The following TTC29 variants were observed in gnomAD, a reference collection of about 807,000 sequenced individuals.
The protein encoded by TTC29 is tetratricopeptide repeat domain 29.
Under a neutral mutation model 58.1 loss-of-function variants are expected in TTC29, and 49 were observed. The observed-to-expected ratio is 0.84, with a 90% confidence interval of 0.67 to 1.07. TTC29 has a LOEUF of 1.07. TTC29 is among the 50% of genes least tolerant of loss of function. The probability of loss-of-function intolerance (pLI) is 0.00; values close to 1 mark genes in which losing one functional copy is unlikely to be tolerated. For missense variants in TTC29, 582 were observed against 555.6 expected, an observed-to-expected ratio of 1.05 and a Z score of -0.48; for synonymous variants, 209 against 196.8, an observed-to-expected ratio of 1.06 and a Z score of -0.52.
chr4:146,863,480 G>C (rs963369479), intron 8 of TTC29, among the ~76,000 whole-genome samples: 1 of 152,156 alleles, frequency 6.6e-6, no homozygotes, highest in African/African-American at 2.4e-5. Flanking sequence ...ATGTTCTCCA[G>C]AGAAACAGAA....
At chr4:146,775,941 C>G (rs1393666765) in intron 11 of TTC29, among the ~76,000 whole-genome samples, 2 of 152,138 alleles carry the variant, frequency 1.3e-5, no homozygotes, top group Non-Finnish European at 2.9e-5. Context: ...CAAATGGTCT[C>G]TTTCCATAAT....
intron 11 of TTC29, among the ~76,000 whole-genome samples, chr4:146,762,486 T>A (rs1746988328): frequency 2.0e-5 from 3 of 151,908 alleles, no homozygotes; most frequent in Non-Finnish European, 2.9e-5. Flanking sequence ...ACGTATATAG[T>A]AGGCAACAGT....
intron 11 of TTC29, among the ~76,000 whole-genome samples, chr4:146,800,005 C>T (rs1750100822): frequency 6.6e-6 from 1 of 152,126 alleles, no homozygotes; most frequent in South Asian, 2.1e-4. Context: ...GCTCTTAAGC[C>T]TTCTGGAGCC....
intron 11 of TTC29, among the ~76,000 whole-genome samples, chr4:146,755,146 A>G (rs1746345243): frequency 6.6e-6 from 1 of 152,122 alleles, no homozygotes; most frequent in South Asian, 2.1e-4. Flanking sequence ...ATAGCATAAA[A>G]AAACATAGGA....
intron 11 of TTC29, among the ~76,000 whole-genome samples, chr4:146,779,170 C>A (rs1303652649): frequency 6.6e-6 from 1 of 151,728 alleles, no homozygotes; most frequent in Non-Finnish European, 1.5e-5. Flanking sequence ...TGTCATATTC[C>A]AGAATTATTG....
chr4:146,740,842 G>A (rs1413742832), intron 11 of TTC29, among the ~76,000 whole-genome samples: 3 of 151,888 alleles, frequency 2.0e-5, no homozygotes, highest in Admixed American at 6.6e-5. Context: ...TGATCCTCCC[G>A]CCTCAGCCTC....
chr4:146,849,870 T>C (rs1177438846), intron 8 of TTC29, among the ~76,000 whole-genome samples: 2 of 152,104 alleles, frequency 1.3e-5, no homozygotes, highest in African/African-American at 4.8e-5. Flanking sequence ...TGGCCCACTC[T>C]CTCACAGGCT....
At position 146,909,255 on chromosome 4, in the gene TTC29, A is replaced by C. The variant is rs764408750; in HGVS notation, c.177-6T>G. The C allele has an allele frequency of 1.0e-5, 16 of 1,593,902 alleles. No individual in the cohort carries two copies. The highest frequency in any genetic ancestry group is 1.3e-5 in the Non-Finnish European group (15 of 1,165,748). On this transcript the variant is annotated splice_polypyrimidine_tract_variant and splice_region_variant and intron_variant, in intron 4 of 12. Transcript: ENST00000325106. ...TCTTGTAGGAGTTCCTATAACTGGA[A>C]ATATGAATCAGAACACTCTCAGGTT...
intron 6 of TTC29, among the ~76,000 whole-genome samples, chr4:146,878,156 G>A: frequency 6.6e-6 from 1 of 152,168 alleles, no homozygotes; most frequent in East Asian, 1.9e-4. Context: ...GTTTCAGCTG[G>A]TGACTACAGA....
intron 4 of TTC29, among the ~76,000 whole-genome samples, chr4:146,924,281 G>T (rs906042668): frequency 6.6e-6 from 1 of 151,748 alleles, no homozygotes; most frequent in African/African-American, 2.4e-5. Flanking sequence ...AATTAGTTGA[G>T]AACTGTTTCT....
chr4:146,896,874 C>G (rs533315237), intron 6 of TTC29, among the ~76,000 whole-genome samples: 4 of 152,256 alleles, frequency 2.6e-5, no homozygotes, highest in African/African-American at 9.6e-5. Flanking sequence ...CTCATATCAT[C>G]TGGTTCTATC....
At chr4:146,800,944 A>G (rs1243345104) in intron 11 of TTC29, among the ~76,000 whole-genome samples, 1 of 152,214 alleles carries the variant, frequency 6.6e-6, no homozygotes, top group Non-Finnish European at 1.5e-5. Flanking sequence ...AATGTGGGAC[A>G]GAGAAGAGAC....
Position 146,867,506 on chromosome 4 carries a change from C to G in TTC29, c.877G>C (p.Ala293Pro). Reference sequence around the variant, plus strand: ...TTAAAAGTTTAGCTTACTGTTAATGCTGTTTCATATTCCTCAGCAGCTAAG... The same window carrying G: ...TTAAAAGTTTAGCTTACTGTTAATGGTGTTTCATATTCCTCAGCAGCTAAG... Reference protein sequence around the residue: ...AHLAAEEYETALTVLDTYCKI... With the variant: ...AHLAAEEYETPLTVLDTYCKI... The change falls in exon 8 of 13, where the codon GCA (alanine) becomes CCA (proline). Residue 293 changes from alanine (A) to proline (P), a missense_variant. By Grantham distance (27) the Ala-to-Pro change is conservative (BLOSUM62 -1). Coordinates refer to ENST00000325106, the MANE Select transcript of TTC29 (RefSeq NM_031956.4). The G allele has an allele frequency of 6.7e-7, 1 of 1,503,414 alleles. No individual in the cohort carries two copies. Among genetic ancestry groups the G allele is most frequent in the Non-Finnish European group, 8.9e-7 (1 of 1,120,210 alleles). The allele number at this position is 1,503,414 out of a possible 1,614,324, so 93.1% of individuals were successfully genotyped here.
intron 11 of TTC29, among the ~76,000 whole-genome samples, chr4:146,803,091 C>G (rs1750345579): frequency 6.6e-6 from 1 of 152,046 alleles, no homozygotes; most frequent in Non-Finnish European, 1.5e-5. Context: ...TAGCATTCAT[C>G]TACAGTCACT....
At chr4:146,868,205 C>T (rs916640564) in intron 7 of TTC29, among the ~76,000 whole-genome samples, 1 of 152,044 alleles carries the variant, frequency 6.6e-6, no homozygotes, top group Non-Finnish European at 1.5e-5. Context: ...TGGAACATTA[C>T]ACTCTGGGGA....
intron 11 of TTC29, among the ~76,000 whole-genome samples, chr4:146,780,918 T>C (rs1949036): frequency 0.23 from 34,305 of 151,918 alleles, 4,186 homozygotes; most frequent in East Asian, 0.32. Context: ...TGCATGAGTC[T>C]CACAAATATA....
intron 8 of TTC29, among the ~76,000 whole-genome samples, chr4:146,862,016 TG>T (rs1292410694): frequency 1.3e-5 from 2 of 152,204 alleles, no homozygotes; most frequent in African/African-American, 4.8e-5. Flanking sequence ...ACGACAAAGC[TG>T]TTTCTGAGCC....
chr4:146,788,798 G>A (rs551050875), intron 11 of TTC29, among the ~76,000 whole-genome samples: 63 of 152,146 alleles, frequency 4.1e-4, no homozygotes, highest in African/African-American at 1.2e-3. Context: ...TTCAACCATC[G>A]AAGGTAGGTT....
intron 11 of TTC29, among the ~76,000 whole-genome samples, chr4:146,708,328 A>ATACACATG (rs1554002706): frequency 4.2e-5 from 2 of 47,544 alleles, no homozygotes; most frequent in African/African-American, 5.5e-5. Flanking sequence ...ATATATATAT[A>ATACACATG]TATATATATA....
Sources: allele counts gnomAD v4.1 joint callset (sites outside exome capture counted in the v4.1 genomes callset), GRCh38; gene constraint gnomAD v4.1.1; transcripts MANE v1.5; gene names NCBI Gene and HGNC (gene_info 2026-07-23, HGNC 2026-07-21).